The following CCDC3 variants were observed in gnomAD, a reference collection of about 807,000 sequenced individuals.
CCDC3 encodes the protein coiled-coil domain-containing protein 3.
In CCDC3, 24 loss-of-function variants were observed where a neutral mutation model predicts 21.4. The observed-to-expected ratio is 1.12, with a 90% CI of 0.81 to 1.58. CCDC3 has a LOEUF of 1.58. CCDC3 is among the 40% of genes most tolerant of loss of function. The pLI is 0.00. For synonymous variants in CCDC3, 186 were observed against 166.0 expected (o/e 1.12, Z -0.93); for missense variants, 425 against 360.9 (o/e 1.18, Z -1.44).
At chr10:13,030,543 T>G (rs935642897) in intron 5 of CCDC3, among the ~76,000 whole-genome samples, 4 of 152,036 alleles carry the variant, frequency 2.6e-5, no homozygotes, top group African/African-American at 9.7e-5. Context: ...AGATACAGAC[T>G]GGCAAACTGA....
At chr10:12,932,611 A>G (rs1334463210) in intron 2 of CCDC3, among the ~76,000 whole-genome samples, 3 of 152,180 alleles carry the variant, frequency 2.0e-5, no homozygotes, top group South Asian at 4.1e-4. Context: ...TGTTATCTAC[A>G]ATGTTTTATG....
intron 2 of CCDC3, among the ~76,000 whole-genome samples, chr10:12,903,263 C>G (rs969349536): frequency 6.6e-6 from 1 of 152,196 alleles, no homozygotes; most frequent in African/African-American, 2.4e-5. Flanking sequence ...ATGGAGCCCT[C>G]TGGCATCCCA....
chr10:13,004,571 C>G (rs917813347), upstream of CCDC3, among the ~76,000 whole-genome samples: 3 of 108,212 alleles, frequency 2.8e-5, no homozygotes. Context: ...CCCCACCCCC[C>G]ACCCCAAGAT....
At chr10:13,052,308 G>C (rs1047919947) in intron 4 of CCDC3, among the ~76,000 whole-genome samples, 13 of 152,078 alleles carry the variant, frequency 8.5e-5, no homozygotes, top group African/African-American at 3.1e-4. Flanking sequence ...AGGAGTTTGA[G>C]GCTACAGTGA....
At chr10:12,976,321 G>A (rs1276255282) in intron 2 of CCDC3, among the ~76,000 whole-genome samples, 1 of 152,208 alleles carries the variant, frequency 6.6e-6, no homozygotes, top group Admixed American at 6.5e-5. Flanking sequence ...CTCACACACA[G>A]AGCATCTACT....
intron 5 of CCDC3, among the ~76,000 whole-genome samples, chr10:13,016,352 A>C (rs893520352): frequency 1.2e-4 from 18 of 150,022 alleles, no homozygotes; most frequent in South Asian, 8.5e-4. Context: ...AAAAAAAAAA[A>C]CACAACTTTC....
In CCDC3 at chr10:12,962,252, G is replaced by T. The variant is rs1249289011; in HGVS notation, c.549+36086C>A. ...AAGAAAAACACGTAACGATCAGTAA[G>T]CCCCCAAATCTCAAGGTTGCAAGAA... On this transcript the variant is annotated intron_variant, in intron 2 of 2. Transcript: ENST00000378825. Among the ~76,000 whole-genome samples the T allele has an allele frequency of 4.6e-5, 7 of 152,270 alleles. No homozygotes were observed. The South Asian group carries it at 1.2e-3, about 27-fold the overall frequency.
intron 2 of CCDC3, among the ~76,000 whole-genome samples, chr10:12,952,877 T>G (rs890330070): frequency 2.0e-5 from 3 of 152,208 alleles, no homozygotes; most frequent in Non-Finnish European, 2.9e-5. Context: ...CATGGGTTTA[T>G]TTCTATCATC....
chr10:12,999,747 G>C (rs1835817872), intron 1 of CCDC3, among the ~76,000 whole-genome samples: 1 of 152,216 alleles, frequency 6.6e-6, no homozygotes, highest in Non-Finnish European at 1.5e-5. Flanking sequence ...TCTTTAAAAA[G>C]CCTGCTCAAA....
At chr10:12,995,181 C>T (rs1835742287) in intron 2 of CCDC3, among the ~76,000 whole-genome samples, 1 of 151,700 alleles carries the variant, frequency 6.6e-6, no homozygotes, top group Admixed American at 6.6e-5. Flanking sequence ...CATCAGAAAA[C>T]TTTAAAAAGT....
At chr10:13,018,964 T>C (rs1466567687) in intron 5 of CCDC3, among the ~76,000 whole-genome samples, 4 of 151,872 alleles carry the variant, frequency 2.6e-5, no homozygotes, top group Non-Finnish European at 5.9e-5. Flanking sequence ...CCGGGCGCAG[T>C]GGCTCACGCC....
At chr10:12,950,866 C>T (rs112989144) in intron 2 of CCDC3, among the ~76,000 whole-genome samples, 283 of 152,232 alleles carry the variant, frequency 1.9e-3, no homozygotes, top group Middle Eastern at 3.4e-3. Context: ...TGCTCCCCCA[C>T]CACACCTGAC....
chr10:13,035,709 G>A (rs775187207), intron 5 of CCDC3, among the ~76,000 whole-genome samples: 4 of 152,244 alleles, frequency 2.6e-5, no homozygotes, highest in Non-Finnish European at 5.9e-5. Context: ...TGCAACCCAG[G>A]GCTACTTGAC....
chr10:13,036,511 G>A (rs1031591864), intron 5 of CCDC3, among the ~76,000 whole-genome samples: 2 of 152,132 alleles, frequency 1.3e-5, no homozygotes, highest in Non-Finnish European at 2.9e-5. Flanking sequence ...TTCAGATGGA[G>A]TCTCGCTCTG....
In CCDC3 at chr10:13,011,524, C is replaced by CA. The variant is rs1487527499; in HGVS notation, c.-1-13013dup. Among the ~76,000 whole-genome samples the CA allele has an allele frequency of 2.0e-5, 3 of 151,782 alleles. No homozygotes were observed. The East Asian group carries it at 5.8e-4, about 29-fold the overall frequency. The stretch of plus-strand genomic sequence containing the variant: ...CAATAAGAATTACAAAACGGCTGCT[C>CA]AAAAAAATCAGAGATGATACAAACA... On this transcript the variant is annotated intron_variant, in intron 5 of 6. Transcript: ENST00000378839.
chr10:12,923,809 GTCAAT>G (rs2131219325), intron 2 of CCDC3, among the ~76,000 whole-genome samples: 1 of 152,264 alleles, frequency 6.6e-6, no homozygotes, highest in South Asian at 2.1e-4. Context: ...CACTTTACAA[GTCAAT>G]AGTGCTATTC....
intron 2 of CCDC3, among the ~76,000 whole-genome samples, chr10:12,910,826 C>T (rs1834260856): frequency 6.6e-6 from 1 of 152,034 alleles, no homozygotes; most frequent in African/African-American, 2.4e-5. Flanking sequence ...AACTCCTGAC[C>T]TCCAATGATC....
chr10:13,075,463 C>T (rs987806137), intron 3 of CCDC3, among the ~76,000 whole-genome samples: 4 of 151,294 alleles, frequency 2.6e-5, no homozygotes, highest in Non-Finnish European at 4.4e-5. Context: ...TTTTTCTAGA[C>T]GTCCCAGCCT....
At chr10:12,919,581 C>A (rs371440571) in intron 2 of CCDC3, among the ~76,000 whole-genome samples, 1,250 of 83,980 alleles carry the variant, frequency 0.015, 16 homozygotes, top group African/African-American at 0.053. Flanking sequence ...CAGAGCAAGA[C>A]TGTCTAAAAA....
Sources: gnomAD v4.1 joint callset for allele counts (sites outside exome capture counted in the v4.1 genomes callset) on GRCh38, gnomAD v4.1.1 for gene constraint, MANE v1.5 for transcripts, NCBI Gene and HGNC (gene_info 2026-07-23, HGNC 2026-07-21) for gene names.